PHLPP2: variants seen among roughly 807,000 people sequenced by gnomAD.
PHLPP2 encodes the protein PH domain leucine-rich repeat-containing protein phosphatase 2.
In PHLPP2, 66 loss-of-function variants were observed where a neutral mutation model predicts 124.9. That is an observed-to-expected ratio of 0.53 (90% CI 0.43 to 0.65). PHLPP2 has a LOEUF of 0.65. Ranked by LOEUF, PHLPP2 falls within the 30% of genes least tolerant of loss-of-function variation. The pLI, the probability that PHLPP2 is intolerant of heterozygous loss-of-function variation, is 0.00. For missense variants in PHLPP2, 1,685 were observed against 1,600.4 expected (o/e 1.05, Z -0.90); for synonymous variants, 681 against 624.7 (o/e 1.09, Z -1.34).
At chr16:71,712,186 A>C (rs1250564872) in intron 2 of PHLPP2, among the ~76,000 whole-genome samples, 1 of 152,250 alleles carries the variant, frequency 6.6e-6, no homozygotes, top group African/African-American at 2.4e-5. Context: ...TGTTAGCTGA[A>C]ATCTACCATC....
rs772419428 is a variant in PHLPP2 at position 71,714,608 on chromosome 16, T to A, written c.188A>T (p.His63Leu). ...SSSSSSSSDLHLVLCTVETPA... is the reference protein window; with the variant it reads ...SSSSSSSSDLLLVLCTVETPA... ...TGTCTCTACAGTGCAAAGGACGAGA[T>A]GTAAGTCAGAGGAAGAGGAGGAGGA... The change falls in exon 2 of 19, where the codon CAT becomes CTT. Residue 63 changes from histidine (H) to leucine (L), a missense_variant. His to Leu is a moderately conservative substitution (Grantham distance 99, BLOSUM62 -3). Transcript: ENST00000568954. The A allele has an allele frequency of 7.4e-6, 12 of 1,614,074 alleles. No homozygotes were observed. The African/African-American group carries it at 1.5e-4, about 20-fold the overall frequency.
At position 71,681,948 on chromosome 16, in the gene PHLPP2, A is replaced by G. The variant is rs2045003349; in HGVS notation, c.736-43T>C. The G allele has an allele frequency of 5.5e-6, 8 of 1,448,274 alleles. No individual in the cohort carries two copies. The East Asian group carries it at 2.0e-4, about 36-fold the overall frequency. The allele number at this position is 1,448,274 out of a possible 1,614,324, so 89.7% of individuals were successfully genotyped here. A position where few individuals can be genotyped will look rare whatever the true frequency, so the allele number is the denominator to read the frequency against. On this transcript the variant is annotated intron_variant, in intron 5 of 18. Transcript: ENST00000568954. The stretch of plus-strand genomic sequence containing the variant: ...GAAGAGCCTTCTGAGCTAGTACTGG[A>G]TGTCTATCACCCAGCAAAGAATGGA...
chr16:71,715,298 G>C (rs964257846), intron 1 of PHLPP2: 3 of 155,094 alleles, frequency 1.9e-5, no homozygotes, highest in African/African-American at 7.2e-5. Context: ...GAACCCGGGA[G>C]ATTGAGGTTG....
Position 71,649,501 on chromosome 16 carries a change from G to A in PHLPP2, c.3361C>T (p.His1121Tyr). The A allele has an allele frequency of 6.2e-7, 1 of 1,614,142 alleles. No individual in the cohort carries two copies. Among genetic ancestry groups the A allele is most frequent in the East Asian group, 2.2e-5 (1 of 44,878 alleles). The change falls in exon 19 of 19, where the codon CAC becomes TAC. Residue 1121 changes from histidine to tyrosine, a missense_variant. His to Tyr is a moderately conservative substitution (Grantham distance 83). Transcript: ENST00000568954. ...LPRPERRCSLHPTPTSGLFQR... is the reference protein window; with the variant it reads ...LPRPERRCSLYPTPTSGLFQR... ...AACAGCCCAGAGGTGGGTGTTGGGT[G>A]GAGGCTGCAGCGCCGCTCTGGCCTC... is the stretch of plus-strand genomic sequence containing the variant.
chr16:71,675,498 T>C (rs1225437045), intron 9 of PHLPP2, among the ~76,000 whole-genome samples: 2 of 152,296 alleles, frequency 1.3e-5, no homozygotes, highest in Non-Finnish European at 2.9e-5. Context: ...AAACCACGAA[T>C]TGGCAAACTT....
chr16:71,653,099 C>CTTTTTT, intron 17 of PHLPP2, 78 bp from the exon 18 acceptor site: 1 of 547,604 alleles, frequency 1.8e-6, no homozygotes, highest in Non-Finnish European at 3.1e-6. Context: ...TACATCCCTT[C>CTTTTTT]TTTTTTTTTT....
chr16:71,678,546 G>A, intron 8 of PHLPP2: 2 of 522,892 alleles, frequency 3.8e-6, no homozygotes, highest in Non-Finnish European at 3.4e-6. Context: ...AGGCTGAGGT[G>A]GGAGAATCGC....
chr16:71,649,408 C>A lies in PHLPP2; in HGVS notation c.3454G>T (p.Asp1152Tyr). ...QSDNGLDSDDDQPVEGVITNG... is the reference protein window; with the variant it reads ...QSDNGLDSDDYQPVEGVITNG... ...GTTATGACCCCCTCAACGGGCTGGT[C>A]ATCATCACTGTCCAGGCCGTTGTCA... The change falls in exon 19 of 19, where the codon GAC (aspartate) becomes TAC (tyrosine). Residue 1152 changes from aspartate (D) to tyrosine (Y), a missense_variant. Coordinates refer to ENST00000568954, the MANE Select transcript of PHLPP2 (RefSeq NM_015020.3). 6.2e-7 allele frequency: 1 copy of A among 1,614,096 alleles called. No individual in the cohort carries two copies. The highest frequency in any genetic ancestry group is 1.1e-5 in the South Asian group (1 of 91,030).
chr16:71,684,125 CTTTTTTT>C (rs397816254), intron 5 of PHLPP2, among the ~76,000 whole-genome samples: 168 of 118,842 alleles, frequency 1.4e-3, no homozygotes, highest in African/African-American at 4.5e-3. Context: ...TTGAGGTACT[CTTTTTTT>C]TTTTTTTTTT....
Position 71,684,500 on chromosome 16 carries a change from C to T in PHLPP2, c.711G>A (p.Gln237=), listed in dbSNP as rs141023567. Residue 237 remains glutamine, a synonymous_variant, in exon 5 of 19, where the codon CAG becomes CAA. Coordinates refer to ENST00000568954, the MANE Select transcript of PHLPP2 (RefSeq NM_015020.3). ...HVSFETLAEY[Q]RWQRQASKVV... ...CCTTGGATGCTTGCCGTTGCCATCG[C>T]TGGTACTCGGCCAAAGTCTCGAAGC... is the stretch of plus-strand genomic sequence containing the variant. The T allele has an allele frequency of 1.9e-6, 3 of 1,614,006 alleles. No individual in the cohort carries two copies. The highest frequency in any genetic ancestry group is 2.5e-6 in the Non-Finnish European group (3 of 1,179,984).
chr16:71,654,881 G>A (rs1464772792), intron 17 of PHLPP2: 1 of 192,356 alleles, frequency 5.2e-6, no homozygotes, highest in Non-Finnish European at 1.1e-5. Flanking sequence ...ATAAGTATTT[G>A]GTTAACTGTT....
chr16:71,667,675 G>C (rs899674930), intron 11 of PHLPP2, among the ~76,000 whole-genome samples: 6 of 152,206 alleles, frequency 3.9e-5, no homozygotes, highest in Non-Finnish European at 8.8e-5. Flanking sequence ...AACACATCTT[G>C]TGAATAAATT....
chr16:71,707,234 A>G (rs1045061088), intron 2 of PHLPP2, among the ~76,000 whole-genome samples: 1 of 151,864 alleles, frequency 6.6e-6, no homozygotes, highest in Non-Finnish European at 1.5e-5. Flanking sequence ...GGATTACAGG[A>G]GTGAGCCACC....
chr16:71,660,372 C>CAA (rs1158155665), intron 13 of PHLPP2, among the ~76,000 whole-genome samples: 305 of 26,936 alleles, frequency 0.011, 10 homozygotes, highest in Middle Eastern at 0.067. Flanking sequence ...GACCTTGTCT[C>CAA]AAAAAAAAAA....
At chr16:71,660,624 T>C (rs2044781097) in intron 13 of PHLPP2, among the ~76,000 whole-genome samples, 1 of 151,872 alleles carries the variant, frequency 6.6e-6, no homozygotes, top group Admixed American at 6.6e-5. Context: ...ATGGATGGTC[T>C]CGATCTCCTG....
intron 3 of PHLPP2, among the ~76,000 whole-genome samples, chr16:71,699,327 C>T (rs1333201766): frequency 6.6e-6 from 1 of 152,090 alleles, no homozygotes; most frequent in Non-Finnish European, 1.5e-5. Flanking sequence ...TTTTACCAAT[C>T]GAATGTTGCC....
chr16:71,677,451 CACATATATATAT>C lies in PHLPP2; in HGVS notation c.1269-814_1269-803del, dbSNP rs1264726783. On this transcript the variant is annotated intron_variant, in intron 8 of 18. Transcript: ENST00000568954. The stretch of plus-strand genomic sequence containing the variant: ...AATTAACAGACAAGGAAATAATCTG[CACATATATATAT>C]ATATATATATATATATATATATATA... The C allele has an allele frequency of 9.3e-4, 84 of 89,912 alleles. 1 individual carries two copies. Among genetic ancestry groups the C allele is most frequent in the African/African-American group, 3.5e-3 (71 of 20,528 alleles). The allele number at this position is 89,912 out of a possible 1,614,324, so 5.6% of individuals were successfully genotyped here.
At chr16:71,695,542 C>T (rs2045160969) in intron 3 of PHLPP2, among the ~76,000 whole-genome samples, 1 of 152,084 alleles carries the variant, frequency 6.6e-6, no homozygotes, top group Admixed American at 6.6e-5. Context: ...AACCCCGCCT[C>T]TACTAAAAAT....
In PHLPP2 at chr16:71,705,756, C is replaced by T. The variant is rs562140613; in HGVS notation, c.285-3025G>A. Reference sequence around the variant, plus strand: ...CAAACCCCTGACCTCATGATCTGCCCGCCTTGGCCTCCCAAAGTGCTGGGA... The same window carrying T: ...CAAACCCCTGACCTCATGATCTGCCTGCCTTGGCCTCCCAAAGTGCTGGGA... On this transcript the variant is annotated intron_variant, in intron 2 of 18. Coordinates refer to ENST00000568954, the MANE Select transcript of PHLPP2 (RefSeq NM_015020.3). Among the ~76,000 whole-genome samples the T allele has an allele frequency of 1.3e-3, 201 of 152,308 alleles. 1 individual carries two copies. Among genetic ancestry groups the T allele is most frequent in the African/African-American group, 3.6e-3 (148 of 41,568 alleles).
Sources: allele counts gnomAD v4.1 joint callset (sites outside exome capture counted in the v4.1 genomes callset), GRCh38; gene constraint gnomAD v4.1.1; transcripts MANE v1.5; gene names NCBI Gene and HGNC (gene_info 2026-07-23, HGNC 2026-07-21).